PPP2R2D: variants seen among roughly 807,000 people sequenced by gnomAD.
PPP2R2D encodes the protein serine/threonine-protein phosphatase 2A 55 kDa regulatory subunit B delta isoform.
A neutral mutation model predicts 31.1 loss-of-function variants in PPP2R2D; 9 were observed. That is an observed-to-expected ratio of 0.29 (90% CI 0.17 to 0.51). PPP2R2D has a LOEUF of 0.51. Ranked by LOEUF, PPP2R2D falls within the 20% of genes least tolerant of loss-of-function variation. The pLI, the probability that PPP2R2D is intolerant of heterozygous loss-of-function variation, is 0.98. For missense variants in PPP2R2D, 391 were observed against 465.6 expected (o/e 0.84, Z 1.48); for synonymous variants, 179 against 172.6 (o/e 1.04, Z -0.29).
At chr10:131,927,443 C>T (rs890818554) in intron 2 of PPP2R2D, among the ~76,000 whole-genome samples, 13 of 152,126 alleles carry the variant, frequency 8.5e-5, no homozygotes, top group Non-Finnish European at 1.3e-4. Context: ...GTACAGGAGG[C>T]CCAGAGCTTG....
chr10:131,917,318 G>T (rs2035823746), intron 2 of PPP2R2D, among the ~76,000 whole-genome samples: 1 of 124,900 alleles, frequency 8.0e-6, no homozygotes, highest in Non-Finnish European at 1.7e-5. Flanking sequence ...GAATGACACA[G>T]TGTAGGGACC....
chr10:131,938,536 C>T (rs538928119), intron 3 of PPP2R2D, among the ~76,000 whole-genome samples: 6 of 152,316 alleles, frequency 3.9e-5, no homozygotes, highest in Admixed American at 1.3e-4. Flanking sequence ...TTTCAGCCTG[C>T]TACTTTCCTC....
At chr10:131,967,499 T>G in the PPP2R2D span, 1 of 152,214 alleles carries the variant, frequency 6.6e-6, no homozygotes, top group African/African-American at 2.4e-5. Flanking sequence ...TCAACAAAGA[T>G]TTTTACAAAT....
downstream of PPP2R2D, among the ~76,000 whole-genome samples, chr10:131,961,693 G>A (rs1554901483): frequency 1.3e-5 from 2 of 152,206 alleles, no homozygotes; most frequent in African/African-American, 2.4e-5. Context: ...GCCGTCCTGG[G>A]CCGGGCCTCA....
intron 2 of PPP2R2D, among the ~76,000 whole-genome samples, chr10:131,930,907 G>T (rs898796304): frequency 6.6e-6 from 1 of 152,120 alleles, no homozygotes; most frequent in Non-Finnish European, 1.5e-5. Flanking sequence ...TTTCCACTCT[G>T]CCCTTTGGAG....
At chr10:131,970,953 A>C in the PPP2R2D span, 4 of 1,614,044 alleles carry the variant, frequency 2.5e-6, no homozygotes, top group Non-Finnish European at 3.4e-6. The surrounding 1 kb of genome is among the most constrained non-coding windows in gnomAD (Gnocchi z 4.1). Context: ...TCCTTCTTTC[A>C]ATATCATCTT....
At chr10:131,934,912 C>T (rs1554896243) in intron 3 of PPP2R2D, 3 of 458,594 alleles carry the variant, frequency 6.5e-6, no homozygotes, top group South Asian at 1.5e-5. Context: ...CCAGCCCCGC[C>T]GTCCTGCCCT....
At position 131,956,117 on chromosome 10, in the gene PPP2R2D, C is replaced by G; in HGVS notation, c.*154C>G. 1 of 1,260,098 alleles carries G rather than the reference C, an allele frequency of 7.9e-7. No individual in the cohort carries two copies. The highest frequency in any genetic ancestry group is 1.0e-6 in the Non-Finnish European group (1 of 1,004,536). 78.1% of individuals were successfully genotyped at this position (1,260,098 alleles called of 1,614,324 possible). A position where few individuals can be genotyped will look rare whatever the true frequency, so the allele number is the denominator to read the frequency against. The stretch of plus-strand genomic sequence containing the variant: ...GGAGAAAGCCGCCTCCGCTGGAGGC[C>G]CGGTGTGGTTCCGCCTCGGCGAGGC... On this transcript the variant is annotated 3_prime_UTR_variant, in exon 9 of 9. Coordinates refer to ENST00000455566, the MANE Select transcript of PPP2R2D (RefSeq NM_018461.5).
downstream of PPP2R2D, among the ~76,000 whole-genome samples, chr10:131,960,153 C>A (rs1406200278): frequency 6.6e-6 from 1 of 152,246 alleles, no homozygotes; most frequent in Non-Finnish European, 1.5e-5. Flanking sequence ...ATTCCACGCA[C>A]CTATGTCCGC....
At chr10:131,937,397 A>T (rs2036363284) in intron 3 of PPP2R2D, among the ~76,000 whole-genome samples, 1 of 152,150 alleles carries the variant, frequency 6.6e-6, no homozygotes, top group Non-Finnish European at 1.5e-5. Flanking sequence ...GAAATCAGAA[A>T]TCAGCACGTC....
downstream of PPP2R2D, among the ~76,000 whole-genome samples, chr10:131,964,764 CTTTATTA>C (rs1187470674): frequency 6.8e-5 from 10 of 147,692 alleles, no homozygotes; most frequent in African/African-American, 2.5e-4. Flanking sequence ...TTCAGTATGG[CTTTATTA>C]TTTATAACAG....
In PPP2R2D at chr10:131,956,681, T is replaced by C. The variant is rs1341231893; in HGVS notation, c.*718T>C. ...TGGGGGTATGTGTGCAGCATTTCTG[T>C]CCCCAAGCTGCTGCCCGCTGTGTTT... On this transcript the variant is annotated 3_prime_UTR_variant, in exon 9 of 9. Transcript: ENST00000455566. 1 of 529,502 alleles carries C rather than the reference T, an allele frequency of 1.9e-6. No individual in the cohort carries two copies. The allele number at this position is 529,502 out of a possible 1,614,324, so 32.8% of individuals were successfully genotyped here.
intron 2 of PPP2R2D, among the ~76,000 whole-genome samples, chr10:131,933,965 T>C (rs1408573621): frequency 6.6e-6 from 1 of 152,200 alleles, no homozygotes; most frequent in Non-Finnish European, 1.5e-5. Context: ...ATGGAACTTC[T>C]ACTGTCTAGA....
Position 131,959,119 on chromosome 10 carries a change from T to A in PPP2R2D, c.*3156T>A. The A allele has an allele frequency of 7.9e-6, 1 of 127,380 alleles. No homozygotes were observed. The highest frequency in any genetic ancestry group is 3.8e-5 in the African/African-American group (1 of 26,456). 7.9% of individuals were successfully genotyped at this position (127,380 alleles called of 1,614,324 possible). ...ATCCCACTGTGGAGATGAAGGTGTG[T>A]GCTGATCCCCCATCCCCCTGTGGAG... On this transcript the variant is annotated 3_prime_UTR_variant, in exon 9 of 9. Transcript: ENST00000455566.
chr10:131,953,663 A>AGTGG (rs2036735447), intron 8 of PPP2R2D, among the ~76,000 whole-genome samples: 1 of 85,610 alleles, frequency 1.2e-5, no homozygotes, highest in Non-Finnish European at 2.2e-5. Flanking sequence ...GTGACTTCCA[A>AGTGG]GTGTGCGGGG....
chr10:131,916,769 A>AGTGT (rs1491393040), intron 2 of PPP2R2D, among the ~76,000 whole-genome samples: 1 of 148,528 alleles, frequency 6.7e-6, no homozygotes, highest in Non-Finnish European at 1.5e-5. Context: ...GGAATGACAC[A>AGTGT]GTGTAGGGAC....
chr10:131,951,270 A>AAGAAACTTGCAT (rs1337332822), intron 8 of PPP2R2D, among the ~76,000 whole-genome samples: 2 of 152,238 alleles, frequency 1.3e-5, no homozygotes, highest in African/African-American at 4.8e-5. Flanking sequence ...TTGCATGTTC[A>AAGAAACTTGCAT]GACAAGAAAA....
At chr10:131,928,481 T>C (rs1438571315) in intron 2 of PPP2R2D, among the ~76,000 whole-genome samples, 1 of 152,264 alleles carries the variant, frequency 6.6e-6, no homozygotes, top group African/African-American at 2.4e-5. Flanking sequence ...TTAAGTACTG[T>C]ATCTTTTTTG....
At chr10:131,931,301 C>T (rs929013004) in intron 2 of PPP2R2D, among the ~76,000 whole-genome samples, 5 of 152,188 alleles carry the variant, frequency 3.3e-5, no homozygotes, top group East Asian at 3.8e-4. Flanking sequence ...GAACATGATT[C>T]GGGCTTTCCC....
Sources: allele counts gnomAD v4.1 joint callset (sites outside exome capture counted in the v4.1 genomes callset), GRCh38; gene constraint gnomAD v4.1.1; non-coding constraint Gnocchi (gnomAD v3.1); transcripts MANE v1.5; gene names NCBI Gene and HGNC (gene_info 2026-07-23, HGNC 2026-07-21).